Variants in FOXK1 observed in about 807,000 individuals in gnomAD.
FOXK1 encodes the protein forkhead box K1, also known as forkhead box protein K1.
A neutral mutation model predicts 51.9 loss-of-function variants in FOXK1; 19 were observed. The ratio of observed to expected loss-of-function variants is 0.37; its 90% CI spans 0.26 to 0.54. The LOEUF (loss-of-function observed/expected upper bound fraction) is 0.54, where lower values mean the gene tolerates loss of function less well. Among genes scored for constraint, FOXK1 ranks in the 20% least tolerant of loss-of-function variants. The pLI is 0.87. For synonymous variants in FOXK1, 537 were observed against 482.6 expected, an observed-to-expected ratio of 1.11 and a Z score of -1.48; for missense variants, 870 against 1,032.7, an observed-to-expected ratio of 0.84 and a Z score of 2.16.
In FOXK1 at chr7:4,753,201, G is replaced by T. The variant is rs1437018671; in HGVS notation, c.747-1258G>T. Among the ~76,000 whole-genome samples, 1 of 152,168 alleles carries T rather than the reference G, an allele frequency of 6.6e-6. No homozygotes were observed. The highest frequency in any genetic ancestry group is 1.5e-5 in the Non-Finnish European group (1 of 68,036). On this transcript the variant is annotated intron_variant, in intron 2 of 8. Coordinates refer to ENST00000328914, the MANE Select transcript of FOXK1 (RefSeq NM_001037165.2). The surrounding 1 kb of genome is among the most constrained non-coding windows in gnomAD (Gnocchi z 4.9). ...ACTGATCATTAATGTCAGCTGTCAG[G>T]TTTTTCTCAGCCACAGGATTTTTTT... is the stretch of plus-strand genomic sequence containing the variant.
chr7:4,739,768 G>C (rs186195363), intron 1 of FOXK1, among the ~76,000 whole-genome samples: 4 of 152,354 alleles, frequency 2.6e-5, no homozygotes, highest in South Asian at 2.1e-4. Context: ...TCCGTTGTCA[G>C]ATCTTCTAGG....
chr7:4,694,459 G>C (rs970093113), intron 1 of FOXK1, among the ~76,000 whole-genome samples: 13 of 152,250 alleles, frequency 8.5e-5, no homozygotes, highest in Admixed American at 6.5e-4. Context: ...TCTTCTGCCT[G>C]TTCTGAAAAA....
intron 7 of FOXK1, chr7:4,759,829 G>T (rs568139799): frequency 5.1e-4 from 300 of 589,366 alleles, no homozygotes; most frequent in Non-Finnish European, 7.3e-4. Context: ...TCCGGAGTTC[G>T]AGGTCAGCCT....
chr7:4,689,526 C>T (rs755685484), intron 1 of FOXK1, among the ~76,000 whole-genome samples: 13 of 152,122 alleles, frequency 8.5e-5, no homozygotes, highest in Admixed American at 2.0e-4. Flanking sequence ...TTTCATGCAG[C>T]GAGTGAGATG....
At position 4,755,934 on chromosome 7, in the gene FOXK1, C is replaced by T. The variant is rs1308331744; in HGVS notation, c.1050+551C>T. On this transcript the variant is annotated intron_variant, in intron 4 of 8. Transcript: ENST00000328914. The surrounding 1 kb of genome is among the most constrained non-coding windows in gnomAD (Gnocchi z 6.6). The stretch of plus-strand genomic sequence containing the variant: ...TGTTAGATTTTTGTGCTTGCTGTGC[C>T]TCACAATCCCACGTTAAGTTGGAAA... Among the ~76,000 whole-genome samples, 2 of 152,130 alleles carry T rather than the reference C, an allele frequency of 1.3e-5. No homozygotes were observed. Among genetic ancestry groups the T allele is most frequent in the South Asian group, 2.1e-4 (1 of 4,826 alleles).
At position 4,682,918 on chromosome 7, in the gene FOXK1, C is replaced by T. The variant is rs1779770716; in HGVS notation, c.560+50C>T. 3 of 1,407,718 alleles carry T rather than the reference C, an allele frequency of 2.1e-6. No homozygotes were observed. The highest frequency in any genetic ancestry group is 5.2e-4 in the Middle Eastern group (2 of 3,830). The allele number at this position is 1,407,718 out of a possible 1,614,324, so 87.2% of individuals were successfully genotyped here. On this transcript the variant is annotated intron_variant, in intron 1 of 8. Coordinates refer to ENST00000328914, the MANE Select transcript of FOXK1 (RefSeq NM_001037165.2). This position sits in a 1 kb window ranked among gnomAD's most constrained non-coding sequence, Gnocchi z 7.6. ...GCCCGCACCCGGGGCTCGCCCACGA[C>T]CTCGATCTCTGAGGCCCGGGCCTGG... is the stretch of plus-strand genomic sequence containing the variant.
Position 4,747,078 on chromosome 7 carries a change from G to A in FOXK1, c.746+6055G>A, listed in dbSNP as rs80101966. 0.026 allele frequency among the ~76,000 whole-genome samples: 4,034 copies of A among 152,290 alleles called. 84 individuals carry two copies. Among genetic ancestry groups the A allele is most frequent in the Non-Finnish European group, 0.041 (2,822 of 68,014 alleles). On this transcript the variant is annotated intron_variant, in intron 2 of 8. Coordinates refer to ENST00000328914, the MANE Select transcript of FOXK1 (RefSeq NM_001037165.2). The surrounding 1 kb of genome is among the most constrained non-coding windows in gnomAD (Gnocchi z 9.2). The stretch of plus-strand genomic sequence containing the variant: ...TAAAGTGTTGGGAGTTCGGAATGAA[G>A]CTTGGTAGGGAAGTCCTTGTGTTTG...
chr7:4,724,946 G>A (rs991744672), intron 1 of FOXK1, among the ~76,000 whole-genome samples: 4 of 152,210 alleles, frequency 2.6e-5, no homozygotes, highest in Non-Finnish European at 5.9e-5. Context: ...AGCTGAGTGC[G>A]TGGCCACACA....
rs944023863 is a variant in FOXK1, at chr7:4,764,771, C to T, written c.*2307C>T. ...CTGGGCCACTGCAGGTTGGCCTCCTCAATACAAGCTGATGTCTGCAGGGAG... is the reference window on the plus strand; with the variant it reads ...CTGGGCCACTGCAGGTTGGCCTCCTTAATACAAGCTGATGTCTGCAGGGAG... On this transcript the variant is annotated 3_prime_UTR_variant, in exon 9 of 9. Transcript: ENST00000328914. 1.4e-4 allele frequency: 22 copies of T among 152,498 alleles called. No individual in the cohort carries two copies. Among genetic ancestry groups the T allele is most frequent in the African/African-American group, 5.3e-4 (22 of 41,582 alleles). 9.4% of individuals were successfully genotyped at this position (152,498 alleles called of 1,614,324 possible).
chr7:4,687,010 G>A (rs1029107677), intron 1 of FOXK1, among the ~76,000 whole-genome samples: 50 of 150,202 alleles, frequency 3.3e-4, no homozygotes, highest in Non-Finnish European at 5.0e-4. Flanking sequence ...TTGGCTCACC[G>A]CAAGCTCCGC....
Position 4,761,203 on chromosome 7 carries a change from C to A in FOXK1, c.1836C>A (p.Leu612=). The A allele has an allele frequency of 6.2e-7, 1 of 1,613,112 alleles. No homozygotes were observed. Among genetic ancestry groups the A allele is most frequent in the Non-Finnish European group, 8.5e-7 (1 of 1,180,028 alleles). ...TILQPATPVT[L]GQHHLPVRAV... is the part of the protein sequence containing the mutation. ...TGCAGCCCGCCACACCCGTGACCCT[C>A]GGGCAGCACCACCTTCCAGTCCGGG... Residue 612 remains leucine, a synonymous_variant, in exon 8 of 9, where the codon CTC becomes CTA. Transcript: ENST00000328914. The surrounding 1 kb of genome is among the most constrained non-coding windows in gnomAD (Gnocchi z 6.2).
At chr7:4,751,715 CAT>C (rs1401511361) in intron 2 of FOXK1, among the ~76,000 whole-genome samples, 2 of 152,246 alleles carry the variant, frequency 1.3e-5, no homozygotes, top group African/African-American at 4.8e-5. Flanking sequence ...TGAACAAACA[CAT>C]GTGGTCCCTC....
rs1411688718 is a variant in FOXK1, at chr7:4,749,377, A to G, written c.747-5082A>G. 6.6e-6 allele frequency among the ~76,000 whole-genome samples: 1 copy of G among 152,166 alleles called. No individual in the cohort carries two copies. The highest frequency in any genetic ancestry group is 1.5e-5 in the Non-Finnish European group (1 of 68,020). On this transcript the variant is annotated intron_variant, in intron 2 of 8. Transcript: ENST00000328914. This position sits in a 1 kb window ranked among gnomAD's most constrained non-coding sequence, Gnocchi z 6.0. ...GCCTTGGCCGGCTGTTGTGTTTAAC[A>G]GTGAGGTCCTAAAAACCCTCTTAGA...
chr7:4,717,920 T>C (rs1383377663), intron 1 of FOXK1, among the ~76,000 whole-genome samples: 1 of 152,142 alleles, frequency 6.6e-6, no homozygotes, highest in Non-Finnish European at 1.5e-5. Context: ...AGTGGGAGAA[T>C]ATTAAGCATT....
rs1780437301 is a variant in FOXK1, at chr7:4,730,529, G to C, written c.561-10309G>C. 6.6e-6 allele frequency among the ~76,000 whole-genome samples: 1 copy of C among 152,214 alleles called. No individual in the cohort carries two copies. The highest frequency in any genetic ancestry group is 2.4e-5 in the African/African-American group (1 of 41,458). ...GCTGGTTCCGTGTCTGTCGGGGAGG[G>C]GATGGACGTTTGTGTTGCTGTCAGG... On this transcript the variant is annotated intron_variant, in intron 1 of 8. Transcript: ENST00000328914. The surrounding 1 kb of genome is among the most constrained non-coding windows in gnomAD (Gnocchi z 4.7).
At chr7:4,725,037 C>T (rs1376139392) in intron 1 of FOXK1, among the ~76,000 whole-genome samples, 3 of 152,248 alleles carry the variant, frequency 2.0e-5, no homozygotes, top group African/African-American at 7.2e-5. Context: ...GCCCTCTGTC[C>T]CCAGCAGGAG....
At chr7:4,689,253 C>T (rs1779860541) in intron 1 of FOXK1, among the ~76,000 whole-genome samples, 2 of 152,170 alleles carry the variant, frequency 1.3e-5, no homozygotes, top group Non-Finnish European at 2.9e-5. Flanking sequence ...GCCGGGATTG[C>T]AGATGTGAGC....
chr7:4,719,848 G>A (rs138174511), intron 1 of FOXK1, among the ~76,000 whole-genome samples: 143 of 152,140 alleles, frequency 9.4e-4, no homozygotes, highest in African/African-American at 3.1e-3. Flanking sequence ...ATACCTCCTC[G>A]TGTGTTTTGT....
rs1044914755 is a variant in FOXK1 at position 4,709,575 on chromosome 7, C to T, written c.560+26707C>T. Among the ~76,000 whole-genome samples, 2 of 152,108 alleles carry T rather than the reference C, an allele frequency of 1.3e-5. No individual in the cohort carries two copies. Among genetic ancestry groups the T allele is most frequent in the African/African-American group, 2.4e-5 (1 of 41,428 alleles). ...CGGGAGCCCTGTGCACAGTTGGCTT[C>T]GCAGCAGGCCTGTGTGGTCTGCTAG... On this transcript the variant is annotated intron_variant, in intron 1 of 8. Coordinates refer to ENST00000328914, the MANE Select transcript of FOXK1 (RefSeq NM_001037165.2). This position sits in a 1 kb window ranked among gnomAD's most constrained non-coding sequence, Gnocchi z 5.6.
Sources: allele counts gnomAD v4.1 joint callset (sites outside exome capture counted in the v4.1 genomes callset), GRCh38; gene constraint gnomAD v4.1.1; non-coding constraint Gnocchi (gnomAD v3.1); transcripts MANE v1.5; gene names NCBI Gene and HGNC (gene_info 2026-07-23, HGNC 2026-07-21).